SAR1A: variants seen among roughly 807,000 people sequenced by gnomAD.
SAR1A encodes the protein secretion associated Ras related GTPase 1A.
SAR1A carries 6 observed loss-of-function variants against 22.6 expected under a neutral mutation model. The ratio of observed to expected loss-of-function variants is 0.27; its 90% CI spans 0.15 to 0.52. The LOEUF (loss-of-function observed/expected upper bound fraction) is 0.52, where lower values mean the gene tolerates loss of function less well. Ranked by LOEUF, SAR1A falls within the 20% of genes least tolerant of loss-of-function variation. The pLI is 0.96. For synonymous variants in SAR1A, 70 were observed against 82.2 expected (o/e 0.85, Z 0.80); for missense variants, 145 against 245.1 (o/e 0.59, Z 2.73).
At chr10:70,153,410 T>C (rs1839351476) in intron 6 of SAR1A, among the ~76,000 whole-genome samples, 1 of 152,146 alleles carries the variant, frequency 6.6e-6, no homozygotes, top group Non-Finnish European at 1.5e-5. Flanking sequence ...CAGTCCTACC[T>C]CTCTCAGCAA....
At chr10:70,164,427 TTAAAG>T (rs1373042657) in intron 1 of SAR1A, among the ~76,000 whole-genome samples, 1 of 152,212 alleles carries the variant, frequency 6.6e-6, no homozygotes, top group African/African-American at 2.4e-5. Flanking sequence ...ATGCCTTTTT[TTAAAG>T]TAGTTTTCTT....
rs1839413173 is a variant in SAR1A, at chr10:70,157,801, T to C, written c.311A>G (p.Asp104Gly). ...TTTGGATTCCACGAGGCGAGAATGATCTGCACAGTCCACCAGAAAGACAAT... is the reference window on the plus strand; with the variant it reads ...TTTGGATTCCACGAGGCGAGAATGACCTGCACAGTCCACCAGAAAGACAAT... ...NGIVFLVDCADHSRLVESKVE... is the reference protein window; with the variant it reads ...NGIVFLVDCAGHSRLVESKVE... The change falls in exon 5 of 7, where the codon GAT becomes GGT. Residue 104 changes from aspartate to glycine, a missense_variant. This residue lies in a region of SAR1A where 40 missense variants were observed against 105.7 expected (regional missense o/e 0.38). Transcript: ENST00000373241. The C allele has an allele frequency of 6.2e-7, 1 of 1,614,012 alleles. No individual in the cohort carries two copies.
rs531909816 is a variant in SAR1A at position 70,152,158 on chromosome 10, G to C, written c.*318C>G. ...TTAAAAAATAGAATCACTTTCTTTTGAATCAACCACAGTGGTGAGACGTGT... is the reference window on the plus strand; with the variant it reads ...TTAAAAAATAGAATCACTTTCTTTTCAATCAACCACAGTGGTGAGACGTGT... On this transcript the variant is annotated 3_prime_UTR_variant, in exon 7 of 7. Transcript: ENST00000373241. The C allele has an allele frequency of 8.2e-5, 27 of 328,626 alleles. 3 individuals carry two copies. The South Asian group carries it at 8.6e-4, about 10-fold the overall frequency. The allele number at this position is 328,626 out of a possible 1,614,324, so 20.4% of individuals were successfully genotyped here.
At chr10:70,159,329 T>C (rs1839435141) in intron 4 of SAR1A, among the ~76,000 whole-genome samples, 1 of 152,200 alleles carries the variant, frequency 6.6e-6, no homozygotes, top group Non-Finnish European at 1.5e-5. Context: ...GTTAATGAAA[T>C]CACTGACTAT....
At chr10:70,158,483 T>C (rs1483341557) in intron 4 of SAR1A, among the ~76,000 whole-genome samples, 1 of 152,198 alleles carries the variant, frequency 6.6e-6, no homozygotes, top group African/African-American at 2.4e-5. Context: ...GCATGCCTTA[T>C]AAATATTACT....
chr10:70,154,047 A>G (rs1839357837), intron 5 of SAR1A, 78 bp from the exon 6 acceptor site: 3 of 1,134,986 alleles, frequency 2.6e-6, no homozygotes, highest in East Asian at 2.5e-5. Flanking sequence ...GATAATGAAA[A>G]TTCTGACTTC....
At chr10:70,161,490 G>T in intron 3 of SAR1A, 129 bp downstream of exon 3, 1 of 1,024,264 alleles carries the variant, frequency 9.8e-7, no homozygotes, top group Non-Finnish European at 1.4e-6. Context: ...GTCTTACAGG[G>T]AACTTTCTCG....
At chr10:70,160,018 G>C (rs1202183321) in intron 4 of SAR1A, among the ~76,000 whole-genome samples, 1 of 152,136 alleles carries the variant, frequency 6.6e-6, no homozygotes, top group Non-Finnish European at 1.5e-5. Context: ...ATCACACATA[G>C]TCACTGTATT....
Position 70,152,194 on chromosome 10 carries a change from A to G in SAR1A, c.*282T>C, listed in dbSNP as rs1839333754. 1 of 465,722 alleles carries G rather than the reference A, an allele frequency of 2.1e-6. No individual in the cohort carries two copies. Among genetic ancestry groups the G allele is most frequent in the African/African-American group, 2.0e-5 (1 of 50,372 alleles). 28.8% of individuals were successfully genotyped at this position (465,722 alleles called of 1,614,324 possible). Reference sequence around the variant, plus strand: ...AGTGGTGAGACGTGTTTTTCTTTTCAGGTGCCCCATGATGGCATACAGCTT... The same window carrying G: ...AGTGGTGAGACGTGTTTTTCTTTTCGGGTGCCCCATGATGGCATACAGCTT... On this transcript the variant is annotated 3_prime_UTR_variant, in exon 7 of 7. Transcript: ENST00000373241.
In SAR1A at chr10:70,164,576, C is replaced by A. The variant is rs147625601; in HGVS notation, c.-16-2645G>T. Among the ~76,000 whole-genome samples, 124 of 152,330 alleles carry A rather than the reference C, an allele frequency of 8.1e-4. 3 individuals are homozygous for A. In the East Asian group the frequency reaches 0.022, roughly 27 times the overall value. The stretch of plus-strand genomic sequence containing the variant: ...TCCAGGTACTCCCAGGTACCTCACA[C>A]ACTGTTTTTTCTGTACTGCTGGTCC... On this transcript the variant is annotated intron_variant, in intron 1 of 6. Transcript: ENST00000373241.
intron 4 of SAR1A, 26 bp from the exon 5 acceptor site, chr10:70,157,893 T>G: frequency 6.8e-7 from 1 of 1,477,576 alleles, no homozygotes; most frequent in Non-Finnish European, 9.4e-7. Context: ...TGTAGTTGCA[T>G]GAGTAAAAAA....
rs192609950 is a variant in SAR1A at position 70,168,979 on chromosome 10, C to T, written c.-17+1434G>A. Reference sequence around the variant, plus strand: ...CAGCTGAAAATGGCCTTGGTGGCTCCTCTCTCCTTAAGATCTTAGGATTTG... The same window carrying T: ...CAGCTGAAAATGGCCTTGGTGGCTCTTCTCTCCTTAAGATCTTAGGATTTG... On this transcript the variant is annotated intron_variant, in intron 1 of 6. Transcript: ENST00000373241. Among the ~76,000 whole-genome samples, 297 of 152,200 alleles carry T rather than the reference C, an allele frequency of 2.0e-3. 3 individuals are homozygous for T. Among genetic ancestry groups the T allele is most frequent in the Admixed American group, 0.017 (263 of 15,284 alleles).
At position 70,161,515 on chromosome 10, in the gene SAR1A, T is replaced by G. The variant is rs1839467302; in HGVS notation, c.178+104A>C. On this transcript the variant is annotated intron_variant, in intron 3 of 6. Coordinates refer to ENST00000373241, the MANE Select transcript of SAR1A (RefSeq NM_020150.5). ...GAACTTTCTCGTATGAGTTGGCTTT[T>G]GGGACTTCAGTTAATAAAAGAACTC... 2.1e-5 allele frequency: 30 copies of G among 1,404,134 alleles called. No individual in the cohort carries two copies. The South Asian group carries it at 3.9e-4, about 18-fold the overall frequency. The allele number at this position is 1,404,134 out of a possible 1,614,324, so 87.0% of individuals were successfully genotyped here. A position where few individuals can be genotyped will look rare whatever the true frequency, so the allele number is the denominator to read the frequency against.
intron 6 of SAR1A, among the ~76,000 whole-genome samples, chr10:70,152,821 G>A (rs888964675): frequency 3.3e-5 from 5 of 152,152 alleles, no homozygotes; most frequent in Admixed American, 3.3e-4. Context: ...AAGAGCATTT[G>A]CTTTGAACAC....
intron 3 of SAR1A, 77 bp downstream of exon 3, chr10:70,161,539 TCCA>T (rs1839467567): frequency 6.5e-7 from 1 of 1,532,340 alleles, no homozygotes; most frequent in African/African-American, 1.4e-5. Context: ...ATAAAAGAAC[TCCA>T]CCAACTAGGG....
In SAR1A at chr10:70,147,628, C is replaced by T. The variant is rs1207957481; in HGVS notation, c.*4848G>A. On this transcript the variant is annotated 3_prime_UTR_variant, in exon 7 of 7. Transcript: ENST00000373241. ...ATATGTAAAAACCTTTCTTTGCTCACAGGCCATACAAACACAGGCAGCAGG... is the reference window on the plus strand; with the variant it reads ...ATATGTAAAAACCTTTCTTTGCTCATAGGCCATACAAACACAGGCAGCAGG... 1 of 152,170 alleles carries T rather than the reference C, an allele frequency of 6.6e-6. No individual in the cohort carries two copies. Among genetic ancestry groups the T allele is most frequent in the Non-Finnish European group, 1.5e-5 (1 of 68,036 alleles). 9.4% of individuals were successfully genotyped at this position (152,170 alleles called of 1,614,324 possible). A position where few individuals can be genotyped will look rare whatever the true frequency, so the allele number is the denominator to read the frequency against.
At chr10:70,156,544 T>C (rs910187932) in intron 5 of SAR1A, among the ~76,000 whole-genome samples, 2 of 152,030 alleles carry the variant, frequency 1.3e-5, no homozygotes, top group African/African-American at 4.8e-5. Context: ...TGGTGGTGTA[T>C]GCCTGTAGTC....
chr10:70,157,773 A>T lies in SAR1A; in HGVS notation c.339T>A (p.Val113=). The T allele has an allele frequency of 6.2e-7, 1 of 1,611,422 alleles. No individual in the cohort carries two copies. The highest frequency in any genetic ancestry group is 1.1e-5 in the South Asian group (1 of 91,000). Residue 113 remains valine, a synonymous_variant, in exon 5 of 7, where the codon GTT becomes GTA. Coordinates refer to ENST00000373241, the MANE Select transcript of SAR1A (RefSeq NM_020150.5). The part of the protein sequence containing the change: ...ADHSRLVESK[V]ELNALMTDET... The stretch of plus-strand genomic sequence containing the variant: ...AAAGGACAAAACATACATTAAGCTC[A>T]ACTTTGGATTCCACGAGGCGAGAAT...
chr10:70,163,936 A>G, intron 1 of SAR1A: 1 of 1,561,078 alleles, frequency 6.4e-7, no homozygotes, highest in Admixed American at 1.7e-5. Flanking sequence ...AGTGAAGAAG[A>G]AATTAGAGAA....
Sources: gnomAD v4.1 joint callset for allele counts (sites outside exome capture counted in the v4.1 genomes callset) on GRCh38, gnomAD v4.1.1 for gene constraint, gnomAD v4.1.1 regional missense constraint, MANE v1.5 for transcripts, NCBI Gene and HGNC (gene_info 2026-07-23, HGNC 2026-07-21) for gene names.